Variants in GALNT12 observed in about 807,000 individuals in gnomAD.
The protein encoded by GALNT12 is polypeptide N-acetylgalactosaminyltransferase 12, also known as UDP-GalNAc:polypeptide N-acetylgalactosaminyltransferase 12.
In GALNT12, 45 loss-of-function variants were observed where a neutral mutation model predicts 55.5. The observed-to-expected ratio is 0.81, with a 90% CI of 0.64 to 1.04. GALNT12 has a LOEUF of 1.04. Among genes scored for constraint, GALNT12 ranks in the 50% least tolerant of loss-of-function variants. The pLI, the probability that GALNT12 is intolerant of heterozygous loss-of-function variation, is 0.00. For missense variants in GALNT12, 709 were observed against 754.8 expected, an observed-to-expected ratio of 0.94 and a Z score of 0.71; for synonymous variants, 304 against 312.2, an observed-to-expected ratio of 0.97 and a Z score of 0.28.
chr9:98,811,972 C>G (rs1051618497), intron 1 of GALNT12, among the ~76,000 whole-genome samples: 2 of 152,176 alleles, frequency 1.3e-5, no homozygotes, highest in African/African-American at 2.4e-5. Flanking sequence ...CGTGAGCCAC[C>G]ATGCCCAGCC....
At chr9:98,815,060 A>G (rs917026805) in intron 1 of GALNT12, among the ~76,000 whole-genome samples, 1 of 152,258 alleles carries the variant, frequency 6.6e-6, no homozygotes, top group Non-Finnish European at 1.5e-5. Flanking sequence ...GCAAAAGTGG[A>G]ACCTTAAAGT....
chr9:98,838,002 A>G (rs1020289285), intron 6 of GALNT12, among the ~76,000 whole-genome samples: 5 of 152,198 alleles, frequency 3.3e-5, no homozygotes, highest in African/African-American at 9.7e-5. Context: ...CAGGCCAGGC[A>G]TTGTCCATGT....
At chr9:98,829,630 C>T (rs541981924) in intron 3 of GALNT12, among the ~76,000 whole-genome samples, 2 of 152,266 alleles carry the variant, frequency 1.3e-5, no homozygotes, top group East Asian at 3.9e-4. Flanking sequence ...AACTACCCTT[C>T]CCAGTCTCTG....
chr9:98,835,250 T>A lies in GALNT12; in HGVS notation c.919T>A (p.Ser307Thr). The change falls in exon 5 of 10, where the codon TCT becomes ACT. Residue 307 changes from serine (S) to threonine (T), a missense_variant and splice_region_variant. By Grantham distance (58) the Ser-to-Thr change is moderately conservative. Transcript: ENST00000375011. ...RMQSPVDVIR[S>T]PTMAGGLFAV... ...AATAAGGATATCATACTTTTTTAGG[T>A]CTCCAACAATGGCTGGTGGGCTGTT... 1 of 1,604,860 alleles carries A rather than the reference T, an allele frequency of 6.2e-7. No homozygotes were observed.
chr9:98,849,366 C>G lies in GALNT12; in HGVS notation c.*274C>G. 7.0e-6 allele frequency: 4 copies of G among 572,882 alleles called. No homozygotes were observed. In the South Asian group the frequency reaches 9.7e-5, roughly 14 times the overall value. 35.5% of individuals were successfully genotyped at this position (572,882 alleles called of 1,614,324 possible). A position where few individuals can be genotyped will look rare whatever the true frequency, so the allele number is the denominator to read the frequency against. ...ACCCTTGGTATTTAGAAAATTAAAA[C>G]CTTATAATATTTTTCTATCAAGATG... On this transcript the variant is annotated 3_prime_UTR_variant, in exon 10 of 10. Coordinates refer to ENST00000375011, the MANE Select transcript of GALNT12 (RefSeq NM_024642.5).
intron 1 of GALNT12, among the ~76,000 whole-genome samples, chr9:98,812,172 A>C (rs1835509768): frequency 6.6e-6 from 1 of 152,178 alleles, no homozygotes; most frequent in South Asian, 2.1e-4. Context: ...CAGTACTTCA[A>C]ATCCACAGAA....
intron 7 of GALNT12, 145 bp from the exon 8 acceptor site, chr9:98,843,951 G>A (rs1200656843): frequency 4.6e-6 from 3 of 657,824 alleles, no homozygotes; most frequent in African/African-American, 3.6e-5. Context: ...AAGCTAGAAG[G>A]TGCTGTACAG....
At chr9:98,834,756 C>T (rs1836092053) in intron 4 of GALNT12, among the ~76,000 whole-genome samples, 1 of 152,210 alleles carries the variant, frequency 6.6e-6, no homozygotes, top group Non-Finnish European at 1.5e-5. Flanking sequence ...ATGACCATGG[C>T]CTGGAGCCTG....
chr9:98,848,791 TC>T lies in GALNT12; in HGVS notation c.1606-157del, dbSNP rs1588461170. ...CAGCCTGTACAAGCCTGGTGCTGTG[TC>T]CCCGGGACAGTCCTGAGTTGCTGCG... On this transcript the variant is annotated intron_variant, in intron 9 of 9. Transcript: ENST00000375011. 3 of 805,550 alleles carry T rather than the reference TC, an allele frequency of 3.7e-6. No homozygotes were observed. The South Asian group carries it at 4.8e-5, about 13-fold the overall frequency. 49.9% of individuals were successfully genotyped at this position (805,550 alleles called of 1,614,324 possible). A position where few individuals can be genotyped will look rare whatever the true frequency, so the allele number is the denominator to read the frequency against.
In GALNT12 at chr9:98,849,116, T is replaced by C. The variant is rs1008494815; in HGVS notation, c.*24T>C. The C allele has an allele frequency of 1.2e-6, 2 of 1,613,722 alleles. No individual in the cohort carries two copies. Among genetic ancestry groups the C allele is most frequent in the Non-Finnish European group, 1.7e-6 (2 of 1,179,810 alleles). On this transcript the variant is annotated 3_prime_UTR_variant, in exon 10 of 10. Transcript: ENST00000375011. Reference sequence around the variant, plus strand: ...GAAGCCTCGTGTATCAAGGAGCCCATCGAAGGAGACTGTGGAGCCAGGACT... The same window carrying C: ...GAAGCCTCGTGTATCAAGGAGCCCACCGAAGGAGACTGTGGAGCCAGGACT...
rs776065355 is a variant in GALNT12, at chr9:98,814,689, G to GA, written c.371+6633dup. Among the ~76,000 whole-genome samples, 505 of 133,398 alleles carry GA rather than the reference G, an allele frequency of 3.8e-3. 3 individuals carry two copies. Among genetic ancestry groups the GA allele is most frequent in the Admixed American group, 8.6e-3 (114 of 13,268 alleles). The allele number at this position is 133,398 out of a possible 152,430, so 87.5% of individuals were successfully genotyped here. A position where few individuals can be genotyped will look rare whatever the true frequency, so the allele number is the denominator to read the frequency against. On this transcript the variant is annotated intron_variant, in intron 1 of 9. Coordinates refer to ENST00000375011, the MANE Select transcript of GALNT12 (RefSeq NM_024642.5). ...CCCACCACTGCACTCCAGCCTGGGT[G>GA]AAAAAAAAAAAAAGGAAGATCAAGA...
In GALNT12 at chr9:98,831,078, A is replaced by G. The variant is rs189322772; in HGVS notation, c.732-694A>G. Among the ~76,000 whole-genome samples the G allele has an allele frequency of 3.6e-4, 55 of 152,356 alleles. No homozygotes were observed. The East Asian group carries it at 9.2e-3, about 26-fold the overall frequency. ...ATGCTGAGGGATGGCCAGATTTGTAATAATGTGGAGAGAACCGTTGAAGCC... is the reference window on the plus strand; with the variant it reads ...ATGCTGAGGGATGGCCAGATTTGTAGTAATGTGGAGAGAACCGTTGAAGCC... On this transcript the variant is annotated intron_variant, in intron 3 of 9. Transcript: ENST00000375011.
At chr9:98,808,393 C>T (rs1427848963) in intron 1 of GALNT12, among the ~76,000 whole-genome samples, 1 of 152,116 alleles carries the variant, frequency 6.6e-6, no homozygotes, top group Non-Finnish European at 1.5e-5. Flanking sequence ...CCCCCAGCAC[C>T]CAAAGGACAA....
chr9:98,826,603 G>GT, intron 2 of GALNT12, 149 bp from the exon 3 acceptor site: 4 of 816,396 alleles, frequency 4.9e-6, no homozygotes, highest in Non-Finnish European at 8.1e-6. Flanking sequence ...TCTGGGTGAG[G>GT]TAAGGATGTC....
intron 1 of GALNT12, among the ~76,000 whole-genome samples, chr9:98,808,483 G>A (rs1008084500): frequency 1.1e-4 from 16 of 152,204 alleles, no homozygotes; most frequent in Non-Finnish European, 2.1e-4. Flanking sequence ...CATTCTCTGT[G>A]TGTGCCAGGG....
At position 98,845,316 on chromosome 9, in the gene GALNT12, T is replaced by C. The variant is rs539921520; in HGVS notation, c.1459-661T>C. On this transcript the variant is annotated intron_variant, in intron 8 of 9. Coordinates refer to ENST00000375011, the MANE Select transcript of GALNT12 (RefSeq NM_024642.5). Reference sequence around the variant, plus strand: ...CTGTGTCAGAATTTTTGAAAGGGGCTGGTGGGGTGGGTGGGTGTCTTGTCA... The same window carrying C: ...CTGTGTCAGAATTTTTGAAAGGGGCCGGTGGGGTGGGTGGGTGTCTTGTCA... 3.3e-5 allele frequency among the ~76,000 whole-genome samples: 5 copies of C among 152,154 alleles called. No homozygotes were observed. The East Asian group carries it at 7.8e-4, about 24-fold the overall frequency.
intron 5 of GALNT12, among the ~76,000 whole-genome samples, chr9:98,835,764 C>G (rs1836126838): frequency 6.6e-6 from 1 of 150,484 alleles, no homozygotes; most frequent in African/African-American, 2.5e-5. Context: ...GAGACGGAGT[C>G]TCGCTCTGTC....
intron 3 of GALNT12, among the ~76,000 whole-genome samples, chr9:98,830,178 G>A (rs928112482): frequency 7.9e-5 from 12 of 152,100 alleles, no homozygotes; most frequent in African/African-American, 2.7e-4. Context: ...CTGGGGCCTC[G>A]GCTTCTGCAT....
intron 9 of GALNT12, chr9:98,847,028 A>C (rs1157832433): frequency 1.3e-5 from 2 of 152,212 alleles, no homozygotes; most frequent in Non-Finnish European, 2.9e-5. Context: ...GGATAGTCAC[A>C]GTTGATTTGA....
Sources: allele counts gnomAD v4.1 joint callset (sites outside exome capture counted in the v4.1 genomes callset), GRCh38; gene constraint gnomAD v4.1.1; transcripts MANE v1.5; gene names NCBI Gene and HGNC (gene_info 2026-07-23, HGNC 2026-07-21).